Variants in PCDH17 observed in about 807,000 individuals in gnomAD.
The protein encoded by PCDH17 is protocadherin 17, also known as protocadherin-17.
In PCDH17, 21 loss-of-function variants were observed where a neutral mutation model predicts 67.7. The observed-to-expected ratio is 0.31, with a 90% CI of 0.22 to 0.45. The LOEUF (loss-of-function observed/expected upper bound fraction) is 0.45. PCDH17 is among the 20% of genes least tolerant of loss of function. The pLI, the probability that PCDH17 is intolerant of heterozygous loss-of-function variation, is 1.00. For missense variants in PCDH17, 1,471 were observed against 1,564.8 expected (o/e 0.94, Z 1.01); for synonymous variants, 701 against 656.7 (o/e 1.07, Z -1.03).
intron 1 of PCDH17, among the ~76,000 whole-genome samples, chr13:57,661,410 C>T (rs997211900): frequency 6.6e-6 from 1 of 152,100 alleles, no homozygotes; most frequent in African/African-American, 2.4e-5. Flanking sequence ...CTCTCAAGGG[C>T]TGTAGCTTGT....
At chr13:57,697,862 C>T (rs1593935799) in intron 3 of PCDH17, among the ~76,000 whole-genome samples, 1 of 151,342 alleles carries the variant, frequency 6.6e-6, no homozygotes, top group East Asian at 1.9e-4. Context: ...GGGTACTTCA[C>T]ATTAAATAAA....
At chr13:57,707,521 AC>A (rs1955732235) in intron 3 of PCDH17, among the ~76,000 whole-genome samples, 1 of 152,020 alleles carries the variant, frequency 6.6e-6, no homozygotes. Flanking sequence ...TTTAGCTTCT[AC>A]CCATGGCAGA....
chr13:57,631,000 C>G (rs1484664904), upstream of PCDH17, among the ~76,000 whole-genome samples: 1 of 152,160 alleles, frequency 6.6e-6, no homozygotes, highest in Non-Finnish European at 1.5e-5. Flanking sequence ...CCTGGCTGGA[C>G]CGCCGCGGCC....
chr13:57,679,640 A>ATTT (rs1955429488), intron 3 of PCDH17, among the ~76,000 whole-genome samples: 1 of 151,538 alleles, frequency 6.6e-6, no homozygotes, highest in Admixed American at 6.6e-5. Context: ...GAAAATTCAT[A>ATTT]TTGAAAGATG....
At position 57,726,199 on chromosome 13, in the gene PCDH17, G is replaced by C. The variant is rs1955915329; in HGVS notation, c.*905G>C. On this transcript the variant is annotated 3_prime_UTR_variant, in exon 4 of 4. Coordinates refer to ENST00000377918, the MANE Select transcript of PCDH17 (RefSeq NM_001040429.3). ...CTTGATTAATATGTTTTATTCATTT[G>C]TGGACACTAAAATAGCTCAGGAAAG... The C allele has an allele frequency of 6.6e-6, 1 of 152,602 alleles. No homozygotes were observed. The highest frequency in any genetic ancestry group is 2.1e-4 in the South Asian group (1 of 4,828). 9.5% of individuals were successfully genotyped at this position (152,602 alleles called of 1,614,324 possible).
chr13:57,677,745 G>A (rs1407075104), intron 3 of PCDH17, among the ~76,000 whole-genome samples: 1 of 151,806 alleles, frequency 6.6e-6, no homozygotes, highest in African/African-American at 2.4e-5. Flanking sequence ...ATTTCCATGA[G>A]AGGAGTTAAG....
At chr13:57,692,951 C>T (rs1955572609) in intron 3 of PCDH17, among the ~76,000 whole-genome samples, 1 of 150,854 alleles carries the variant, frequency 6.6e-6, no homozygotes, top group African/African-American at 2.4e-5. Flanking sequence ...CCATTTCTCT[C>T]ACAAATACAT....
At position 57,709,295 on chromosome 13, in the gene PCDH17, T is replaced by C. The variant is rs1160930735; in HGVS notation, c.2798-15317T>C. On this transcript the variant is annotated intron_variant, in intron 3 of 3. Transcript: ENST00000377918. ...TAACTAGGGATATTACAGAATAGTT[T>C]GTGACTTTAATTTTTGGGGCCTGCT... Among the ~76,000 whole-genome samples the C allele has an allele frequency of 2.6e-5, 4 of 151,816 alleles. No individual in the cohort carries two copies. In the Admixed American group the frequency reaches 2.6e-4, roughly 10 times the overall value.
rs546356688 is a variant in PCDH17, at chr13:57,678,823, T to A, written c.2797+11990T>A. The stretch of plus-strand genomic sequence containing the variant: ...TTAACATGTTAAAATTAATTTTTTC[T>A]TTACTTTTCCGTCTCATGGTTCTCA... On this transcript the variant is annotated intron_variant, in intron 3 of 3. Transcript: ENST00000377918. Among the ~76,000 whole-genome samples, 35 of 151,728 alleles carry A rather than the reference T, an allele frequency of 2.3e-4. No individual in the cohort carries two copies. In the East Asian group the frequency reaches 2.3e-3, roughly 10 times the overall value.
intron 3 of PCDH17, among the ~76,000 whole-genome samples, chr13:57,667,247 G>A (rs1478291309): frequency 1.3e-5 from 2 of 152,172 alleles, no homozygotes; most frequent in South Asian, 2.1e-4. Context: ...ATAGCTCTTA[G>A]CAGTGCTTGT....
chr13:57,714,267 A>G (rs1272397659), intron 3 of PCDH17, among the ~76,000 whole-genome samples: 1 of 151,690 alleles, frequency 6.6e-6, no homozygotes, highest in Non-Finnish European at 1.5e-5. Context: ...AACAAGATGA[A>G]CAACAGGATT....
chr13:57,696,591 T>C (rs2138069209), intron 3 of PCDH17, among the ~76,000 whole-genome samples: 1 of 151,574 alleles, frequency 6.6e-6, no homozygotes, highest in South Asian at 2.1e-4. Context: ...TCGCAGCCTG[T>C]CTTATATGGT....
At chr13:57,698,871 G>A (rs1401200750) in intron 3 of PCDH17, among the ~76,000 whole-genome samples, 1 of 151,842 alleles carries the variant, frequency 6.6e-6, no homozygotes, top group East Asian at 1.9e-4. Flanking sequence ...ATAGCACCTT[G>A]TAGAAAATCA....
In PCDH17 at chr13:57,634,914, T is replaced by A; in HGVS notation, c.2368T>A (p.Ser790Thr). ...CGTCATGAACGTGGTGAGCAGCCCCTCCCTGGCCACCTCCCCCATGTACTT... is the reference window on the plus strand; with the variant it reads ...CGTCATGAACGTGGTGAGCAGCCCCACCCTGGCCACCTCCCCCATGTACTT... The part of the protein sequence containing the change: ...MNVMNVVSSP[S>T]LATSPMYFDY... The change falls in exon 1 of 4, where the codon TCC (serine) becomes ACC (threonine). Residue 790 changes from serine (S) to threonine (T), a missense_variant. Physicochemically the swap from Ser to Thr is moderately conservative, Grantham distance 58. This residue lies in a region of PCDH17 where 1,163 missense variants were observed against 1,230.0 expected (regional missense o/e 0.95). Transcript: ENST00000377918. The surrounding 1 kb of genome is among the most constrained non-coding windows in gnomAD (Gnocchi z 7.8). The A allele has an allele frequency of 6.2e-7, 1 of 1,613,812 alleles. No homozygotes were observed. The highest frequency in any genetic ancestry group is 1.1e-5 in the South Asian group (1 of 91,056).
chr13:57,710,457 A>G (rs1042628677), intron 3 of PCDH17, among the ~76,000 whole-genome samples: 1 of 151,930 alleles, frequency 6.6e-6, no homozygotes, highest in Non-Finnish European at 1.5e-5. Flanking sequence ...AAATTATGCA[A>G]TACATTTCAA....
chr13:57,706,001 GA>G (rs1327656707), intron 3 of PCDH17, among the ~76,000 whole-genome samples: 1 of 144,606 alleles, frequency 6.9e-6, no homozygotes, highest in African/African-American at 2.6e-5. Context: ...AGCAACAGGA[GA>G]AAAACTCAGT....
chr13:57,641,740 C>T lies in PCDH17; in HGVS notation c.2565+6629C>T, dbSNP rs984040870. Among the ~76,000 whole-genome samples the T allele has an allele frequency of 4.0e-5, 6 of 149,626 alleles. No individual in the cohort carries two copies. In the East Asian group the frequency reaches 1.2e-3, roughly 29 times the overall value. ...TTGTAGTGAAATGGTTCTTACAGTT[C>T]ATTGAGCATCTAGCATAACTGTGCT... On this transcript the variant is annotated intron_variant, in intron 1 of 3. Transcript: ENST00000377918.
intron 3 of PCDH17, among the ~76,000 whole-genome samples, chr13:57,682,308 C>A (rs910647235): frequency 6.6e-6 from 1 of 151,680 alleles, no homozygotes; most frequent in Non-Finnish European, 1.5e-5. Flanking sequence ...TTCACTCACC[C>A]CCAGTGTATC....
At chr13:57,643,909 T>C (rs1220819927) in intron 1 of PCDH17, among the ~76,000 whole-genome samples, 2 of 151,700 alleles carry the variant, frequency 1.3e-5, no homozygotes, top group Non-Finnish European at 3.0e-5. Context: ...AGTAAGCTTA[T>C]AGATATGCAT....
Sources: allele counts gnomAD v4.1 joint callset (sites outside exome capture counted in the v4.1 genomes callset), GRCh38; gene constraint gnomAD v4.1.1; regional missense constraint gnomAD v4.1.1; non-coding constraint Gnocchi (gnomAD v3.1); transcripts MANE v1.5; gene names NCBI Gene and HGNC (gene_info 2026-07-23, HGNC 2026-07-21).